ZRANB1: variants seen among roughly 807,000 people sequenced by gnomAD.
ZRANB1 encodes zinc finger RANBP2-type containing 1, also known as ubiquitin thioesterase ZRANB1.
Under a neutral mutation model 80.5 loss-of-function variants are expected in ZRANB1, and 16 were observed. The observed-to-expected ratio is 0.20, with a 90% CI of 0.13 to 0.30. The LOEUF is 0.30. Among genes scored for constraint, ZRANB1 ranks in the 10% least tolerant of loss-of-function variants. The probability of loss-of-function intolerance (pLI) is 1.00; values close to 1 mark genes in which losing one functional copy is unlikely to be tolerated. For missense variants in ZRANB1, 576 were observed against 862.6 expected (o/e 0.67, Z 4.16); for synonymous variants, 291 against 293.1 (o/e 0.99, Z 0.07).
the ZRANB1 span, among the ~76,000 whole-genome samples, chr10:124,929,723 G>A: frequency 1.3e-5 from 2 of 151,594 alleles, no homozygotes; most frequent in African/African-American, 4.8e-5. Flanking sequence ...CGAGGCGGGT[G>A]GATCATGAGG....
intron 1 of ZRANB1, among the ~76,000 whole-genome samples, chr10:124,958,253 A>G (rs1951702881): frequency 6.6e-6 from 1 of 152,224 alleles, no homozygotes; most frequent in South Asian, 2.1e-4. Context: ...CCTCTTCTCT[A>G]TTAAAAATAA....
chr10:124,972,099 A>G lies in ZRANB1; in HGVS notation c.1137A>G (p.Val379=), dbSNP rs187107162. Residue 379 remains valine, a synonymous_variant, in exon 3 of 9, where the codon GTA becomes GTG. Coordinates refer to ENST00000359653, the MANE Select transcript of ZRANB1 (RefSeq NM_017580.3). ...DFACYFLTDL[V]TFTLPADIED... ...CTTGCTATTTTCTGACTGACCTTGTAACATTTACATTGCCAGCAGGTAACT... is the reference window on the plus strand; with the variant it reads ...CTTGCTATTTTCTGACTGACCTTGTGACATTTACATTGCCAGCAGGTAACT... 1.2e-6 allele frequency: 2 copies of G among 1,613,130 alleles called. No individual in the cohort carries two copies. Among genetic ancestry groups the G allele is most frequent in the Middle Eastern group, 1.7e-4 (1 of 6,058 alleles).
the ZRANB1 span, among the ~76,000 whole-genome samples, chr10:124,935,014 C>G: frequency 6.6e-6 from 1 of 152,238 alleles, no homozygotes; most frequent in Non-Finnish European, 1.5e-5. Flanking sequence ...GAGCTTCAGA[C>G]TAAGCCATTT....
the ZRANB1 span, among the ~76,000 whole-genome samples, chr10:124,925,700 A>G: frequency 6.6e-6 from 1 of 152,192 alleles, no homozygotes; most frequent in South Asian, 2.1e-4. Flanking sequence ...TCTCAAATTT[A>G]GGTCTCTGAT....
intron 2 of ZRANB1, among the ~76,000 whole-genome samples, chr10:124,971,144 C>G (rs930010177): frequency 8.5e-5 from 13 of 152,106 alleles, no homozygotes; most frequent in African/African-American, 2.7e-4. Flanking sequence ...GTTTGTTACT[C>G]GCAGATGCTC....
At chr10:124,960,620 A>G (rs534121725) in intron 1 of ZRANB1, among the ~76,000 whole-genome samples, 1 of 152,150 alleles carries the variant, frequency 6.6e-6, no homozygotes, top group Admixed American at 6.5e-5. Flanking sequence ...AGATCTTACC[A>G]TCTTGCCCAG....
At chr10:124,950,070 G>A (rs1270644070) in intron 1 of ZRANB1, among the ~76,000 whole-genome samples, 1 of 152,054 alleles carries the variant, frequency 6.6e-6, no homozygotes, top group Non-Finnish European at 1.5e-5. Context: ...TCAGAATTTT[G>A]ACATGTCTGT....
Position 124,963,139 on chromosome 10 carries a change from G to C in ZRANB1, c.815-3455G>C, listed in dbSNP as rs559993198. Among the ~76,000 whole-genome samples the C allele has an allele frequency of 4.6e-5, 7 of 151,974 alleles. No individual in the cohort carries two copies. The East Asian group carries it at 1.2e-3, about 25-fold the overall frequency. ...AAATTAGCTAGGTGTGGTGGTGTGC[G>C]CCAGTAGTCCCAGCTGCTCAGGAGG... On this transcript the variant is annotated intron_variant, in intron 1 of 8. Coordinates refer to ENST00000359653, the MANE Select transcript of ZRANB1 (RefSeq NM_017580.3).
At chr10:124,927,746 G>A in the ZRANB1 span, among the ~76,000 whole-genome samples, 1 of 152,160 alleles carries the variant, frequency 6.6e-6, no homozygotes, top group Non-Finnish European at 1.5e-5. Flanking sequence ...TGGTAAAGAA[G>A]GGATTAAAGG....
intron 1 of ZRANB1, among the ~76,000 whole-genome samples, chr10:124,951,476 T>A (rs546890361): frequency 1.3e-5 from 2 of 152,306 alleles, no homozygotes; most frequent in African/African-American, 4.8e-5. Context: ...TTTTGCCCAT[T>A]TAAGACATCT....
intron 4 of ZRANB1, 56 bp downstream of exon 4, chr10:124,973,772 T>C (rs1589853321): frequency 6.7e-7 from 1 of 1,488,868 alleles, no homozygotes; most frequent in Non-Finnish European, 9.2e-7. Flanking sequence ...GTAAGTTTTG[T>C]TTAGTAAGGC....
chr10:124,981,045 G>A (rs938834906), intron 5 of ZRANB1, among the ~76,000 whole-genome samples: 3 of 152,188 alleles, frequency 2.0e-5, no homozygotes, highest in African/African-American at 7.2e-5. Flanking sequence ...CATTTTAGAG[G>A]TCTTAGTTGG....
chr10:124,974,107 C>A, intron 4 of ZRANB1, 93 bp from the exon 5 acceptor site: 2 of 1,295,562 alleles, frequency 1.5e-6, no homozygotes, highest in South Asian at 1.4e-5. Context: ...ACATATAAAC[C>A]ATTTTATAGC....
chr10:124,945,962 T>C (rs1951578535), intron 1 of ZRANB1: 2 of 151,826 alleles, frequency 1.3e-5, no homozygotes, highest in African/African-American at 2.4e-5. Context: ...AATTTTTGTA[T>C]TTTTTTTGGA....
chr10:124,973,882 C>T (rs3740534), intron 4 of ZRANB1, among the ~76,000 whole-genome samples, 166 bp downstream of exon 4: 146,904 of 152,320 alleles, frequency 0.96, 70,939 homozygotes, highest in Non-Finnish European at 0.99. Context: ...TTCACTGTTA[C>T]AGAGTGAACA....
the ZRANB1 span, among the ~76,000 whole-genome samples, chr10:124,921,914 C>G: frequency 6.6e-6 from 1 of 151,718 alleles, no homozygotes; most frequent in South Asian, 2.1e-4. Context: ...GGGGGTTGGC[C>G]AGGTAAATTG....
At chr10:124,973,827 A>T in intron 4 of ZRANB1, 111 bp downstream of exon 4, 3 of 948,224 alleles carry the variant, frequency 3.2e-6, no homozygotes, top group Non-Finnish European at 4.8e-6. Flanking sequence ...TTTTTATTTT[A>T]AATTAAAGAC....
chr10:124,925,091 G>A, the ZRANB1 span, among the ~76,000 whole-genome samples: 1 of 151,936 alleles, frequency 6.6e-6, no homozygotes, highest in African/African-American at 2.4e-5. Context: ...TATTTTTTTA[G>A]TAGAGATGAG....
intron 2 of ZRANB1, among the ~76,000 whole-genome samples, chr10:124,969,895 C>T (rs1951807485): frequency 6.6e-6 from 1 of 152,074 alleles, no homozygotes; most frequent in Non-Finnish European, 1.5e-5. Context: ...TTCAGGGGCA[C>T]ATCCTGCTTA....
Sources: allele counts gnomAD v4.1 joint callset (sites outside exome capture counted in the v4.1 genomes callset), GRCh38; gene constraint gnomAD v4.1.1; transcripts MANE v1.5; gene names NCBI Gene and HGNC (gene_info 2026-07-23, HGNC 2026-07-21).